ZNF888: variants seen among roughly 807,000 people sequenced by gnomAD.
The protein encoded by ZNF888 is zinc finger protein 888, also known as CTD-2331H12.6.
ZNF888 carries 5 observed loss-of-function variants against 7.2 expected under a neutral mutation model. That is an observed-to-expected ratio of 0.70 (90% CI 0.36 to 1.46). ZNF888 has a LOEUF of 1.46. Among genes scored for constraint, ZNF888 ranks in the 40% most tolerant of loss-of-function variants. The pLI is 0.03. For synonymous variants in ZNF888, 240 were observed against 284.3 expected, an observed-to-expected ratio of 0.84 and a Z score of 1.57; for missense variants, 716 against 858.0, an observed-to-expected ratio of 0.83 and a Z score of 2.07.
At chr19:52,912,398 C>T (rs2064696284) in intron 4 of ZNF888, among the ~76,000 whole-genome samples, 1 of 151,012 alleles carries the variant, frequency 6.6e-6, no homozygotes, top group Non-Finnish European at 1.5e-5. Context: ...CAGGCATGAG[C>T]CACCGTGCCT....
rs945848531 is a variant in ZNF888, at chr19:52,918,217, C to T, written c.-58-286G>A. ...CCAAACCACTTGCAGAGGCTGGGTGCGGTGGCTCATGCCTATCATCCCAGC... is the reference window on the plus strand; with the variant it reads ...CCAAACCACTTGCAGAGGCTGGGTGTGGTGGCTCATGCCTATCATCCCAGC... On this transcript the variant is annotated intron_variant, in intron 2 of 4. Transcript: ENST00000638862. 1.8e-5 allele frequency: 18 copies of T among 985,248 alleles called. No homozygotes were observed. The Admixed American group carries it at 2.5e-4, about 13-fold the overall frequency. The allele number at this position is 985,248 out of a possible 1,614,324, so 61.0% of individuals were successfully genotyped here.
At position 52,907,998 on chromosome 19, in the gene ZNF888, A is replaced by T. The variant is rs2147923587; in HGVS notation, c.324T>A (p.His108Gln). Reference sequence around the variant, plus strand: ...CTTTGATTTCTGTCATGGGTGCTTCATGGCCATTTGTTTCATCTTCTTGCC... The same window carrying T: ...CTTTGATTTCTGTCATGGGTGCTTCTTGGCCATTTGTTTCATCTTCTTGCC... Reference protein sequence around the residue: ...FQWQEDETNGHEAPMTEIKEL... With the variant: ...FQWQEDETNGQEAPMTEIKEL... Residue 108 changes from histidine to glutamine, a missense_variant, in exon 5 of 5, where the codon CAT (histidine) becomes CAA (glutamine). Coordinates refer to ENST00000638862, the MANE Select transcript of ZNF888 (RefSeq NM_001393938.1). The T allele has an allele frequency of 1.2e-6, 2 of 1,614,070 alleles. No homozygotes were observed. The highest frequency in any genetic ancestry group is 4.5e-5 in the East Asian group (2 of 44,866).
In ZNF888 at chr19:52,908,076, T is replaced by C; in HGVS notation, c.246A>G (p.Gly82=). 6.2e-7 allele frequency: 1 copy of C among 1,614,194 alleles called. No homozygotes were observed. The highest frequency in any genetic ancestry group is 8.5e-7 in the Non-Finnish European group (1 of 1,180,022). The change falls in exon 5 of 5, where the codon GGA becomes GGG. Residue 82 remains glycine, a synonymous_variant. Coordinates refer to ENST00000638862, the MANE Select transcript of ZNF888 (RefSeq NM_001393938.1). ...TCTCAATTTCCTGGAAGCAACATTCTCCAATGTGATGACTTGCCAGTCTTT... is the reference window on the plus strand; with the variant it reads ...TCTCAATTTCCTGGAAGCAACATTCCCCAATGTGATGACTTGCCAGTCTTT... The part of the protein sequence containing the change: ...TLQRLASHHI[G]ECCFQEIEKD...
In ZNF888 at chr19:52,918,872, A is replaced by C. The variant is rs1487356592; in HGVS notation, c.-112T>G. On this transcript the variant is annotated 5_prime_UTR_variant, in exon 2 of 5. Coordinates refer to ENST00000638862, the MANE Select transcript of ZNF888 (RefSeq NM_001393938.1). ...GGCACAAGAATCACTTGAACCCAGG[A>C]GACAGAGGTTGCAGTGAGCCAAGAT... The C allele has an allele frequency of 2.6e-5, 4 of 152,202 alleles. No homozygotes were observed. In the East Asian group the frequency reaches 7.7e-4, roughly 29 times the overall value. The allele number at this position is 152,202 out of a possible 1,614,324, so 9.4% of individuals were successfully genotyped here.
intron 4 of ZNF888, 125 bp from the exon 5 acceptor site, chr19:52,908,304 A>G (rs1257061094): frequency 1.4e-5 from 13 of 934,536 alleles, no homozygotes; most frequent in Non-Finnish European, 2.1e-5. Flanking sequence ...TTCAAAGTTC[A>G]GGAACACAAA....
At chr19:52,921,940 AGAAAG>A (rs943359728) in intron 1 of ZNF888, among the ~76,000 whole-genome samples, 1 of 151,956 alleles carries the variant, frequency 6.6e-6, no homozygotes, top group Admixed American at 6.6e-5. Flanking sequence ...ATAAAAGAAA[AGAAAG>A]AAAGAAAGAA....
chr19:52,920,489 CAAAAAAAAAAA>C (rs1191621530), intron 1 of ZNF888, among the ~76,000 whole-genome samples: 2 of 6,864 alleles, frequency 2.9e-4, no homozygotes, highest in Non-Finnish European at 6.2e-4. Context: ...TGCTTGAAGG[CAAAAAAAAAAA>C]AAAAAAAAAA....
Position 52,908,008 on chromosome 19 carries a change from G to A in ZNF888, c.314C>T (p.Thr105Ile), listed in dbSNP as rs1326544801. 1 of 1,613,932 alleles carries A rather than the reference G, an allele frequency of 6.2e-7. No homozygotes were observed. Among genetic ancestry groups the A allele is most frequent in the African/African-American group, 1.3e-5 (1 of 74,898 alleles). The change falls in exon 5 of 5, where the codon ACA becomes ATA. Residue 105 changes from threonine to isoleucine, a missense_variant. By Grantham distance (89) the Thr-to-Ile change is moderately conservative (BLOSUM62 -1). Around this residue, in one of 2 missense-constraint regions of ZNF888, gnomAD observed 697 missense variants for 803.4 expected, o/e 0.87. Transcript: ENST00000638862. ...DFVFQWQEDETNGHEAPMTEI... is the reference protein window; with the variant it reads ...DFVFQWQEDEINGHEAPMTEI... The stretch of plus-strand genomic sequence containing the variant: ...TGTCATGGGTGCTTCATGGCCATTT[G>A]TTTCATCTTCTTGCCACTGAAACAC...
intron 3 of ZNF888, among the ~76,000 whole-genome samples, 164 bp downstream of exon 3, chr19:52,917,695 G>A (rs1351736099): frequency 6.6e-6 from 1 of 152,168 alleles, no homozygotes; most frequent in Non-Finnish European, 1.5e-5. Flanking sequence ...TGGGTCACGA[G>A]AGATGGAATC....
intron 4 of ZNF888, among the ~76,000 whole-genome samples, chr19:52,912,858 A>C (rs1038712345): frequency 6.6e-6 from 1 of 152,192 alleles, no homozygotes; most frequent in Non-Finnish European, 1.5e-5. Context: ...CTGTAATCCC[A>C]GCACTTTGGG....
intron 1 of ZNF888, among the ~76,000 whole-genome samples, chr19:52,922,948 G>A (rs1299639147): frequency 1.3e-5 from 2 of 152,046 alleles, no homozygotes; most frequent in South Asian, 2.1e-4. Context: ...CAAGGGTGGG[G>A]TCCGCAGGAT....
At position 52,907,641 on chromosome 19, in the gene ZNF888, T is replaced by C; in HGVS notation, c.681A>G (p.Ser227=). The C allele has an allele frequency of 6.2e-7, 1 of 1,604,398 alleles. No homozygotes were observed. Among genetic ancestry groups the C allele is most frequent in the Non-Finnish European group, 8.5e-7 (1 of 1,176,340 alleles). ...GAATTATCTGATGTTTTTTAAAGAG[T>C]GAGCTACAATTAAAGGATTTGCCAC... is the stretch of plus-strand genomic sequence containing the variant. ...NESGKSFNCS[S]LFKKHQIIHL... Residue 227 remains serine (S), a synonymous_variant, in exon 5 of 5, where the codon TCA becomes TCG. Transcript: ENST00000638862.
chr19:52,915,345 C>G (rs4803022), intron 3 of ZNF888, 23 bp from the exon 4 acceptor site: 262,364 of 1,515,204 alleles, frequency 0.17, 23,893 homozygotes, highest in Admixed American at 0.44. Flanking sequence ...CACATTTTAA[C>G]CAAATGGTTA....
At position 52,906,882 on chromosome 19, in the gene ZNF888, G is replaced by A; in HGVS notation, c.1440C>T (p.His480=). The change falls in exon 5 of 5, where the codon CAC becomes CAT. Residue 480 remains histidine (H), a synonymous_variant. Coordinates refer to ENST00000638862, the MANE Select transcript of ZNF888 (RefSeq NM_001393938.1). ...ECDKVFSRKS[H]LERHRRIHTG... is the part of the protein sequence containing the mutation. ...TGTGAATTCTCCTATGTCTTTCAAG[G>A]TGTGATTTGCGACTGAAAACTTTGT... 6 of 1,611,660 alleles carry A rather than the reference G, an allele frequency of 3.7e-6. No individual in the cohort carries two copies. Among genetic ancestry groups the A allele is most frequent in the Non-Finnish European group, 5.1e-6 (6 of 1,179,496 alleles).
intron 4 of ZNF888, among the ~76,000 whole-genome samples, chr19:52,912,796 C>A (rs1045471847): frequency 6.6e-6 from 1 of 151,840 alleles, no homozygotes; most frequent in East Asian, 1.9e-4. Context: ...ATACAAAGTT[C>A]TCCAGTAAAG....
At chr19:52,916,615 C>CATATACATATATATATATATAT (rs374760326) in intron 3 of ZNF888, among the ~76,000 whole-genome samples, 6 of 131,474 alleles carry the variant, frequency 4.6e-5, no homozygotes, top group Admixed American at 1.7e-4. Context: ...TATACATATA[C>CATATACATATATATATATATAT]ATATATATAT....
At position 52,915,223 on chromosome 19, in the gene ZNF888, C is replaced by T; in HGVS notation, c.115G>A (p.Glu39Lys). 1 of 1,607,862 alleles carries T rather than the reference C, an allele frequency of 6.2e-7. No individual in the cohort carries two copies. Among genetic ancestry groups the T allele is most frequent in the Non-Finnish European group, 8.5e-7 (1 of 1,179,256 alleles). Reference sequence around the variant, plus strand: ...AGGGAGACCAGGTTCCTATAATTCTCCAGCATCACGTCTCTGTATAGAGTC... The same window carrying T: ...AGGGAGACCAGGTTCCTATAATTCTTCAGCATCACGTCTCTGTATAGAGTC... ...QRTLYRDVML[E>K]NYRNLVSLDI... Residue 39 changes from glutamate (E) to lysine (K), a missense_variant, in exon 4 of 5, where the codon GAG becomes AAG. Physicochemically the swap from Glu to Lys is moderately conservative, Grantham distance 56 (BLOSUM62 1). Transcript: ENST00000638862.
chr19:52,923,094 G>A (rs2064841217), intron 1 of ZNF888, among the ~76,000 whole-genome samples: 1 of 152,168 alleles, frequency 6.6e-6, no homozygotes, highest in African/African-American at 2.4e-5. Context: ...AAAGCGCGGG[G>A]TGGGAGGAGT....
At chr19:52,909,172 A>AT (rs2064647500) in intron 4 of ZNF888, among the ~76,000 whole-genome samples, 1 of 151,848 alleles carries the variant, frequency 6.6e-6, no homozygotes, top group South Asian at 2.1e-4. Flanking sequence ...TTAATACCAT[A>AT]TTTTTCTGAA....
Sources: gnomAD v4.1 joint callset for allele counts (sites outside exome capture counted in the v4.1 genomes callset) on GRCh38, gnomAD v4.1.1 for gene constraint, gnomAD v4.1.1 regional missense constraint, MANE v1.5 for transcripts, NCBI Gene and HGNC (gene_info 2026-07-23, HGNC 2026-07-21) for gene names.